The following WDPCP variants were observed in gnomAD, a reference collection of about 807,000 sequenced individuals.
WDPCP encodes the protein WD repeat-containing and planar cell polarity effector protein fritz homolog.
WDPCP carries 71 observed loss-of-function variants against 93.1 expected under a neutral mutation model. The ratio of observed to expected loss-of-function variants is 0.76; its 90% CI spans 0.63 to 0.93. The LOEUF (loss-of-function observed/expected upper bound fraction) is 0.93, where lower values mean the gene tolerates loss of function less well. WDPCP is among the 40% of genes least tolerant of loss of function. The pLI is 0.00. For missense variants in WDPCP, 844 were observed against 887.4 expected, an observed-to-expected ratio of 0.95 and a Z score of 0.62; for synonymous variants, 315 against 315.0, an observed-to-expected ratio of 1.00 and a Z score of 0.00.
chr2:63,546,586 T>C (rs1302845308), intron 1 of WDPCP, among the ~76,000 whole-genome samples: 2 of 152,204 alleles, frequency 1.3e-5, no homozygotes, highest in African/African-American at 2.4e-5. Context: ...GACTGGTGTA[T>C]TCAAAACATT....
chr2:63,340,125 A>G (rs1380478253), intron 12 of WDPCP, among the ~76,000 whole-genome samples: 4 of 151,892 alleles, frequency 2.6e-5, no homozygotes, highest in Non-Finnish European at 4.4e-5. Flanking sequence ...TTTTCTGTCC[A>G]GCTTGTTTTG....
chr2:63,645,164 T>C (rs983128351), intron 3 of WDPCP, among the ~76,000 whole-genome samples: 1 of 152,174 alleles, frequency 6.6e-6, no homozygotes, highest in Non-Finnish European at 1.5e-5. Flanking sequence ...CTCTTAGTAA[T>C]GCTTTTGCTG....
chr2:63,400,012 T>A (rs1694023822), intron 10 of WDPCP, among the ~76,000 whole-genome samples: 1 of 152,182 alleles, frequency 6.6e-6, no homozygotes, highest in Non-Finnish European at 1.5e-5. Context: ...GACTACAATG[T>A]CTTTAAAAAT....
chr2:63,799,275 G>C (rs1027695431), intron 2 of WDPCP, among the ~76,000 whole-genome samples: 1 of 152,198 alleles, frequency 6.6e-6, no homozygotes, highest in East Asian at 1.9e-4. Context: ...GAATTCAGGG[G>C]GAAAAACTGA....
At chr2:63,517,415 C>T (rs1702624710) in intron 1 of WDPCP, among the ~76,000 whole-genome samples, 1 of 151,850 alleles carries the variant, frequency 6.6e-6, no homozygotes, top group Admixed American at 6.6e-5. Flanking sequence ...CTTTATTACC[C>T]CAAAAAAGAC....
chr2:63,407,684 T>C (rs1489795451), intron 9 of WDPCP, among the ~76,000 whole-genome samples: 1 of 152,256 alleles, frequency 6.6e-6, no homozygotes, highest in Non-Finnish European at 1.5e-5. Context: ...TTCTAGCTTC[T>C]GGCATCTTTA....
At chr2:63,488,351 AAAAC>A (rs1700689822) in intron 2 of WDPCP, among the ~76,000 whole-genome samples, 1 of 152,072 alleles carries the variant, frequency 6.6e-6, no homozygotes, top group Non-Finnish European at 1.5e-5. Flanking sequence ...ACTGAATGAT[AAAAC>A]TTCAAAAAAA....
intron 14 of WDPCP, among the ~76,000 whole-genome samples, chr2:63,206,331 C>A (rs1357926040): frequency 6.6e-6 from 1 of 152,206 alleles, no homozygotes; most frequent in Admixed American, 6.5e-5. Context: ...TGGTTCTCTA[C>A]TATGAGCATT....
intron 1 of WDPCP, among the ~76,000 whole-genome samples, chr2:63,580,845 G>T (rs1351743996): frequency 1.3e-5 from 2 of 152,044 alleles, no homozygotes; most frequent in Non-Finnish European, 2.9e-5. Context: ...CCTTGTTCTT[G>T]GAATATATTC....
intron 2 of WDPCP, among the ~76,000 whole-genome samples, chr2:63,704,031 G>T (rs1368423617): frequency 6.6e-6 from 1 of 152,104 alleles, no homozygotes; most frequent in Non-Finnish European, 1.5e-5. Context: ...TTGTAAGTTG[G>T]ATTCCTAGGT....
At chr2:63,316,437 G>A (rs765094088) in intron 12 of WDPCP, among the ~76,000 whole-genome samples, 21 of 152,054 alleles carry the variant, frequency 1.4e-4, no homozygotes, top group Non-Finnish European at 2.8e-4. Flanking sequence ...TTTATCACTT[G>A]AGGCTAAAAG....
At chr2:63,335,819 T>C (rs1351008002) in intron 12 of WDPCP, among the ~76,000 whole-genome samples, 4 of 152,130 alleles carry the variant, frequency 2.6e-5, no homozygotes, top group Admixed American at 6.5e-5. Context: ...CAGGATGAGA[T>C]AGGAGATTAG....
chr2:63,618,529 C>T (rs146692535), intron 3 of WDPCP, among the ~76,000 whole-genome samples: 114 of 152,270 alleles, frequency 7.5e-4, no homozygotes, highest in African/African-American at 2.6e-3. Context: ...ATGTTCCTCC[C>T]TTAGATACTG....
At chr2:63,471,725 G>C (rs1699702322) in intron 6 of WDPCP, among the ~76,000 whole-genome samples, 1 of 152,110 alleles carries the variant, frequency 6.6e-6, no homozygotes, top group Admixed American at 6.5e-5. Context: ...TGGACTAGCT[G>C]CTCTCTGAGA....
intron 12 of WDPCP, among the ~76,000 whole-genome samples, chr2:63,338,612 A>C (rs1432163328): frequency 8.9e-5 from 12 of 134,400 alleles, no homozygotes; most frequent in African/African-American, 3.1e-4. Flanking sequence ...ATATATATAT[A>C]TATATGGATA....
chr2:63,309,773 C>T lies in WDPCP; in HGVS notation c.1812+3475G>A, dbSNP rs185727777. On this transcript the variant is annotated intron_variant, in intron 13 of 17. Coordinates refer to ENST00000272321, the MANE Select transcript of WDPCP (RefSeq NM_015910.7). Reference sequence around the variant, plus strand: ...CTCCCATCACAATGGGATGAAGTTACAAATCAATAACAGAATTAAAACAAA... The same window carrying T: ...CTCCCATCACAATGGGATGAAGTTATAAATCAATAACAGAATTAAAACAAA... Among the ~76,000 whole-genome samples, 3 of 151,488 alleles carry T rather than the reference C, an allele frequency of 2.0e-5. No individual in the cohort carries two copies. In the East Asian group the frequency reaches 5.8e-4, roughly 29 times the overall value.
chr2:63,233,348 A>C, intron 14 of WDPCP: 1 of 281,282 alleles, frequency 3.6e-6, no homozygotes, highest in South Asian at 4.7e-5. Context: ...CCACACAGAA[A>C]ATATCAGCAA....
chr2:63,161,348 T>C lies in WDPCP; in HGVS notation c.2079-7774A>G, dbSNP rs182850296. 4.6e-5 allele frequency among the ~76,000 whole-genome samples: 7 copies of C among 152,352 alleles called. No individual in the cohort carries two copies. In the East Asian group the frequency reaches 1.3e-3, roughly 29 times the overall value. Reference sequence around the variant, plus strand: ...GCTTTTCACTTTCCATAATTCCCTCTCTGAAAGTCTGAATTTCTTAACCTT... The same window carrying C: ...GCTTTTCACTTTCCATAATTCCCTCCCTGAAAGTCTGAATTTCTTAACCTT... On this transcript the variant is annotated intron_variant, in intron 15 of 17. Coordinates refer to ENST00000272321, the MANE Select transcript of WDPCP (RefSeq NM_015910.7).
intron 1 of WDPCP, among the ~76,000 whole-genome samples, chr2:63,548,280 A>G (rs1329798421): frequency 3.3e-5 from 5 of 152,140 alleles, no homozygotes; most frequent in African/African-American, 4.8e-5. Flanking sequence ...AGTTGTATTA[A>G]TATCAAGCAA....
Sources: allele counts gnomAD v4.1 joint callset (sites outside exome capture counted in the v4.1 genomes callset), GRCh38; gene constraint gnomAD v4.1.1; transcripts MANE v1.5; gene names NCBI Gene and HGNC (gene_info 2026-07-23, HGNC 2026-07-21).